The following BTAF1 variants were observed in gnomAD, a reference collection of about 807,000 sequenced individuals.
The protein encoded by BTAF1 is TATA-binding protein-associated factor 172.
In BTAF1, 38 loss-of-function variants were observed where a neutral mutation model predicts 227.1. That is an observed-to-expected ratio of 0.17 (90% CI 0.13 to 0.22). BTAF1 has a LOEUF of 0.22. BTAF1 is among the 10% of genes least tolerant of loss of function. The pLI, the probability that BTAF1 is intolerant of heterozygous loss-of-function variation, is 1.00. For synonymous variants in BTAF1, 742 were observed against 751.9 expected, an observed-to-expected ratio of 0.99 and a Z score of 0.21; for missense variants, 1,598 against 2,204.0, an observed-to-expected ratio of 0.73 and a Z score of 5.51.
In BTAF1 at chr10:91,982,090, C is replaced by A; in HGVS notation, c.1913C>A (p.Thr638Lys). 1 of 1,608,294 alleles carries A rather than the reference C, an allele frequency of 6.2e-7. No homozygotes were observed. Among genetic ancestry groups the A allele is most frequent in the Non-Finnish European group, 8.5e-7 (1 of 1,177,294 alleles). Residue 638 changes from threonine (T) to lysine (K), a missense_variant, in exon 17 of 38, where the codon ACA becomes AAA. Physicochemically the swap from Thr to Lys is moderately conservative, Grantham distance 78. Around this residue, in one of 10 missense-constraint regions of BTAF1, gnomAD observed 318 missense variants for 435.0 expected, o/e 0.73. Transcript: ENST00000265990. ...TTTCCCCTCCCTCTGTAGGAAAAAA[C>A]AGGTGGTAAGGTGCGCCAAGGCCAA... The part of the protein sequence containing the change: ...LEVKARAKEK[T>K]GGKVRQGQSQ...
chr10:91,981,564 T>C, intron 15 of BTAF1, 79 bp from the exon 16 acceptor site: 3 of 1,403,520 alleles, frequency 2.1e-6, no homozygotes, highest in Non-Finnish European at 2.8e-6. Context: ...TAAAAAAACC[T>C]CAGTATTCCT....
At chr10:92,001,575 T>G (rs993094693) in intron 25 of BTAF1, among the ~76,000 whole-genome samples, 2 of 152,086 alleles carry the variant, frequency 1.3e-5, no homozygotes, top group Admixed American at 6.6e-5. Context: ...TTGATAAAGC[T>G]TAAAAGCAAG....
intron 14 of BTAF1, among the ~76,000 whole-genome samples, chr10:91,976,457 T>A (rs959162531): frequency 1.3e-5 from 2 of 152,146 alleles, no homozygotes; most frequent in African/African-American, 4.8e-5. Context: ...TTTTTAGCCC[T>A]CTAATCACAT....
chr10:91,933,088 C>T (rs1844381887), intron 1 of BTAF1, among the ~76,000 whole-genome samples: 1 of 152,178 alleles, frequency 6.6e-6, no homozygotes, highest in African/African-American at 2.4e-5. Flanking sequence ...AGGAAACCAC[C>T]CCCTTGAGGA....
intron 21 of BTAF1, 71 bp from the exon 22 acceptor site, chr10:91,993,623 C>A (rs1328117186): frequency 5.0e-6 from 6 of 1,191,796 alleles, no homozygotes; most frequent in South Asian, 3.0e-5. Context: ...CTTTTAAATT[C>A]TTTTGTTAAA....
At chr10:91,996,248 T>C (rs1318342836) in intron 23 of BTAF1, 121 bp from the exon 24 acceptor site, 1 of 761,804 alleles carries the variant, frequency 1.3e-6, no homozygotes, top group Non-Finnish European at 2.1e-6. Context: ...TTTTGAAGTA[T>C]TTGGAGATAT....
chr10:92,006,479 T>C (rs746239764), intron 25 of BTAF1, among the ~76,000 whole-genome samples: 25 of 152,258 alleles, frequency 1.6e-4, no homozygotes, highest in Non-Finnish European at 3.4e-4. Context: ...CTTATACTTT[T>C]GAATGGATCT....
intron 25 of BTAF1, among the ~76,000 whole-genome samples, chr10:92,000,658 A>G (rs370414219): frequency 6.6e-5 from 10 of 152,074 alleles, no homozygotes; most frequent in African/African-American, 2.4e-4. Context: ...CCTGGGTTCA[A>G]GCAATTCTCC....
chr10:91,999,353 A>G (rs1564706984), intron 25 of BTAF1, among the ~76,000 whole-genome samples: 1 of 152,134 alleles, frequency 6.6e-6, no homozygotes, highest in Non-Finnish European at 1.5e-5. Flanking sequence ...GACCTGAAAA[A>G]TTCATCCTAC....
chr10:91,981,852 C>G, intron 16 of BTAF1, 60 bp downstream of exon 16: 2 of 1,513,778 alleles, frequency 1.3e-6, no homozygotes, highest in South Asian at 1.3e-5. Context: ...AATACAGTAA[C>G]CATATTTTTA....
At chr10:91,952,204 A>G (rs922216565) in intron 5 of BTAF1, among the ~76,000 whole-genome samples, 3 of 151,616 alleles carry the variant, frequency 2.0e-5, no homozygotes, top group African/African-American at 4.8e-5. Context: ...CTTTTAAGCC[A>G]TGTTTACCTT....
At chr10:91,947,871 A>G (rs1589779075) in intron 4 of BTAF1, among the ~76,000 whole-genome samples, 1 of 151,836 alleles carries the variant, frequency 6.6e-6, no homozygotes, top group East Asian at 1.9e-4. Flanking sequence ...TTAGTTTTTA[A>G]TTTTTTTCAT....
intron 7 of BTAF1, 98 bp from the exon 8 acceptor site, chr10:91,957,127 C>A: frequency 2.4e-6 from 2 of 830,174 alleles, no homozygotes; most frequent in South Asian, 2.2e-5. Context: ...AGCCTGATTG[C>A]TACTACTAGA....
At chr10:91,990,726 G>A (rs1224546122) in intron 20 of BTAF1, among the ~76,000 whole-genome samples, 1 of 152,082 alleles carries the variant, frequency 6.6e-6, no homozygotes, top group African/African-American at 2.4e-5. Flanking sequence ...CTGGGAGGCG[G>A]AGGTTGCGGT....
At chr10:91,966,531 A>G (rs1404384558) in intron 13 of BTAF1, 106 bp from the exon 14 acceptor site, 1 of 1,161,270 alleles carries the variant, frequency 8.6e-7, no homozygotes, top group Non-Finnish European at 1.2e-6. Flanking sequence ...TCATCAAAAA[A>G]GTCACATGGT....
At chr10:91,937,155 C>T (rs1274341654) in intron 2 of BTAF1, among the ~76,000 whole-genome samples, 2 of 151,860 alleles carry the variant, frequency 1.3e-5, no homozygotes, top group African/African-American at 2.4e-5. Flanking sequence ...CCACCATGCC[C>T]AGCTAATTTT....
Position 92,024,791 on chromosome 10 carries a change from T to G in BTAF1, c.4899T>G (p.Thr1633=), listed in dbSNP as rs1851383928. 1 of 1,609,544 alleles carries G rather than the reference T, an allele frequency of 6.2e-7. No individual in the cohort carries two copies. Among genetic ancestry groups the G allele is most frequent in the Non-Finnish European group, 8.5e-7 (1 of 1,178,202 alleles). ...ACTGCGGTTTGGGAAATGGCAGCAC[T>G]TCCGAGAGTGGCACAGAGTCTGTTG... is the stretch of plus-strand genomic sequence containing the variant. ...LLDCGLGNGS[T]SESGTESVVA... Residue 1633 remains threonine, a synonymous_variant, in exon 35 of 38, where the codon ACT becomes ACG. Coordinates refer to ENST00000265990, the MANE Select transcript of BTAF1 (RefSeq NM_003972.3).
Position 91,981,629 on chromosome 10 carries a change from CT to C in BTAF1, c.1756-10del. ...AGAAAAAATTCACTTTCATGTCCCCCTTTTACCCTGCAGGTTTGGATGGAAC... is the reference window on the plus strand; with the variant it reads ...AGAAAAAATTCACTTTCATGTCCCCCTTTACCCTGCAGGTTTGGATGGAAC... On this transcript the variant is annotated splice_polypyrimidine_tract_variant and intron_variant, in intron 15 of 37. Transcript: ENST00000265990. The C allele has an allele frequency of 1.3e-6, 2 of 1,580,684 alleles. No homozygotes were observed. The highest frequency in any genetic ancestry group is 2.4e-5 in the South Asian group (2 of 84,870).
chr10:92,008,963 G>A lies in BTAF1; in HGVS notation c.3935+13G>A. ...ATCATTGTCATAGGTAATTTAAGAT[G>A]TTATTTTAAAATAAGGTTTCCGGAT... On this transcript the variant is annotated intron_variant, in intron 27 of 37. Coordinates refer to ENST00000265990, the MANE Select transcript of BTAF1 (RefSeq NM_003972.3). 1.2e-6 allele frequency: 2 copies of A among 1,611,810 alleles called. No individual in the cohort carries two copies. The highest frequency in any genetic ancestry group is 1.7e-4 in the Middle Eastern group (1 of 6,044).
Sources: allele counts gnomAD v4.1 joint callset (sites outside exome capture counted in the v4.1 genomes callset), GRCh38; gene constraint gnomAD v4.1.1; regional missense constraint gnomAD v4.1.1; transcripts MANE v1.5; gene names NCBI Gene and HGNC (gene_info 2026-07-23, HGNC 2026-07-21).